ADGRF1: variants seen among roughly 807,000 people sequenced by gnomAD.
The protein encoded by ADGRF1 is G protein-coupled receptor 110.
In ADGRF1, 85 loss-of-function variants were observed where a neutral mutation model predicts 87.2. The observed-to-expected ratio is 0.97, with a 90% CI of 0.82 to 1.17. The LOEUF is 1.17. ADGRF1 is among the 50% of genes most tolerant of loss of function. The pLI, the probability that ADGRF1 is intolerant of heterozygous loss-of-function variation, is 0.00. For synonymous variants in ADGRF1, 430 were observed against 408.8 expected (o/e 1.05, Z -0.63); for missense variants, 1,169 against 1,077.2 (o/e 1.09, Z -1.19).
chr6:47,007,400 T>C (rs1170208303), intron 11 of ADGRF1, 106 bp from the exon 12 acceptor site: 5 of 662,490 alleles, frequency 7.5e-6, no homozygotes, highest in Non-Finnish European at 1.3e-5. Flanking sequence ...AACTGTTTTC[T>C]TGTCTGTCTC....
At chr6:47,012,666 C>T in intron 9 of ADGRF1, 2 of 986,190 alleles carry the variant, frequency 2.0e-6, no homozygotes, top group Non-Finnish European at 2.4e-6. Flanking sequence ...CTGTTATGTT[C>T]ACCACGCTAC....
At chr6:47,029,139 C>G (rs1780336203) in intron 1 of ADGRF1, 35 bp from the exon 2 acceptor site, 6 of 1,213,380 alleles carry the variant, frequency 4.9e-6, no homozygotes, top group Middle Eastern at 1.9e-4. Context: ...GGTAGAGGCA[C>G]AAAAACAAGA....
At chr6:47,003,012 T>C (rs1279751544) in intron 13 of ADGRF1, among the ~76,000 whole-genome samples, 1 of 152,050 alleles carries the variant, frequency 6.6e-6, no homozygotes, top group Non-Finnish European at 1.5e-5. Flanking sequence ...ACAAAAAAAG[T>C]ATCAAGGTTC....
intron 9 of ADGRF1, chr6:47,013,508 TACTTGCTGAAC>T: frequency 1.0e-6 from 1 of 985,486 alleles, no homozygotes; most frequent in African/African-American, 1.7e-5. Flanking sequence ...TATGGAAATC[TACTTGCTGAAC>T]AGTATCTGTG....
At chr6:47,014,309 CCTGCTGGCTTATGACTCA>C in intron 9 of ADGRF1, 1 of 1,007,198 alleles carries the variant, frequency 9.9e-7, no homozygotes, top group Non-Finnish European at 1.2e-6. Context: ...TTGTACTAAG[CCTGCTGGCTTATGACTCA>C]CACCTTCACT....
chr6:47,020,258 C>T (rs181722264), intron 7 of ADGRF1: 53 of 1,254,824 alleles, frequency 4.2e-5, no homozygotes, highest in Admixed American at 2.6e-4. Context: ...CTTTGGGGGC[C>T]GAGGCAGGCG....
intron 1 of ADGRF1, among the ~76,000 whole-genome samples, chr6:47,029,876 C>T (rs1394650915): frequency 6.6e-6 from 1 of 152,216 alleles, no homozygotes; most frequent in Non-Finnish European, 1.5e-5. Flanking sequence ...GGTAGCTCAA[C>T]ACAGAACGGT....
In ADGRF1 at chr6:47,009,654, C is replaced by A. The variant is rs150621704; in HGVS notation, c.1781G>T (p.Gly594Val). The change falls in exon 11 of 15, where the codon GGT becomes GTT. Residue 594 changes from glycine to valine, a missense_variant. Physicochemically the swap from Gly to Val is moderately radical, Grantham distance 109. Coordinates refer to ENST00000371253, the MANE Select transcript of ADGRF1 (RefSeq NM_153840.4). ...TAAAATGAGACTTCCAATGGAGATA[C>A]CCAGTCCCACATAGGTGATCCATTT... ...VVKWITYVGL[G>V]ISIGSLILCL... 6.2e-7 allele frequency: 1 copy of A among 1,614,128 alleles called. No individual in the cohort carries two copies. The highest frequency in any genetic ancestry group is 8.5e-7 in the Non-Finnish European group (1 of 1,180,022).
At chr6:47,024,440 G>C (rs1029737804) in intron 4 of ADGRF1, 2 of 439,342 alleles carry the variant, frequency 4.6e-6, no homozygotes, top group Non-Finnish European at 4.1e-6. Flanking sequence ...TCAGCCACCT[G>C]AGTAGCTGGG....
rs1008609202 is a variant in ADGRF1, at chr6:46,998,838, G to A, written c.*1384C>T. ...TATAGAACCATCTAACTGATCCTCA[G>A]TCATTTCCTTTGAACCTCTCACTTT... is the stretch of plus-strand genomic sequence containing the variant. On this transcript the variant is annotated 3_prime_UTR_variant, in exon 15 of 15. Coordinates refer to ENST00000371253, the MANE Select transcript of ADGRF1 (RefSeq NM_153840.4). The A allele has an allele frequency of 2.6e-5, 4 of 152,242 alleles. No homozygotes were observed. The highest frequency in any genetic ancestry group is 5.9e-5 in the Non-Finnish European group (4 of 68,046). The allele number at this position is 152,242 out of a possible 1,614,324, so 9.4% of individuals were successfully genotyped here. A position where few individuals can be genotyped will look rare whatever the true frequency, so the allele number is the denominator to read the frequency against.
chr6:47,019,748 T>C, intron 7 of ADGRF1: 2 of 983,266 alleles, frequency 2.0e-6, no homozygotes, highest in Non-Finnish European at 1.2e-6. Context: ...TTAAGTTAAC[T>C]GTGAAAAAAA....
At chr6:47,025,732 C>T in intron 4 of ADGRF1, 122 bp downstream of exon 4, 1 of 928,180 alleles carries the variant, frequency 1.1e-6, no homozygotes, top group South Asian at 1.9e-5. Flanking sequence ...AGATATAAAG[C>T]ATTTATTCTT....
At chr6:47,003,633 G>C (rs1182836512) in intron 13 of ADGRF1, among the ~76,000 whole-genome samples, 1 of 152,196 alleles carries the variant, frequency 6.6e-6, no homozygotes, top group African/African-American at 2.4e-5. Context: ...AATTGCCAAT[G>C]AGAAAATCTT....
At chr6:47,020,212 G>C (rs1163505097) in intron 7 of ADGRF1, 3 of 1,248,806 alleles carry the variant, frequency 2.4e-6, no homozygotes, top group African/African-American at 3.1e-5. Flanking sequence ...TAAGGTCCTA[G>C]GCCAGATGTG....
chr6:47,036,546 T>C (rs554401480), intron 1 of ADGRF1, among the ~76,000 whole-genome samples: 54 of 152,202 alleles, frequency 3.5e-4, no homozygotes, highest in Non-Finnish European at 6.5e-4. Flanking sequence ...GGGACCTTTA[T>C]ACATAAATGG....
In ADGRF1 at chr6:47,016,827, C is replaced by G. The variant is rs181002714; in HGVS notation, c.612-59G>C. 1,951 of 1,510,332 alleles carry G rather than the reference C, an allele frequency of 1.3e-3. 26 individuals carry two copies. In the African/African-American group the frequency reaches 0.022, roughly 17 times the overall value. 93.6% of individuals were successfully genotyped at this position (1,510,332 alleles called of 1,614,324 possible). A position where few individuals can be genotyped will look rare whatever the true frequency, so the allele number is the denominator to read the frequency against. Reference sequence around the variant, plus strand: ...CACTACTTATTTATTCATTCACTCCCGGCCTATGCTGTGTGTACATGCCAT... The same window carrying G: ...CACTACTTATTTATTCATTCACTCCGGGCCTATGCTGTGTGTACATGCCAT... On this transcript the variant is annotated intron_variant, in intron 7 of 14. Coordinates refer to ENST00000371253, the MANE Select transcript of ADGRF1 (RefSeq NM_153840.4).
rs1034861345 is a variant in ADGRF1, at chr6:47,022,131, G to C, written c.452-73C>G. On this transcript the variant is annotated intron_variant, in intron 5 of 14. Coordinates refer to ENST00000371253, the MANE Select transcript of ADGRF1 (RefSeq NM_153840.4). ...GATTTACTAGTAGCATACAATTATA[G>C]AAGTACAATTCAGAGTCATCTATTC... The C allele has an allele frequency of 1.4e-5, 12 of 853,824 alleles. No homozygotes were observed. In the Middle Eastern group the frequency reaches 9.5e-4, roughly 67 times the overall value. The allele number at this position is 853,824 out of a possible 1,614,324, so 52.9% of individuals were successfully genotyped here.
intron 10 of ADGRF1, among the ~76,000 whole-genome samples, chr6:47,010,574 CA>C (rs1779676137): frequency 6.6e-6 from 1 of 152,194 alleles, no homozygotes; most frequent in Non-Finnish European, 1.5e-5. Flanking sequence ...ACTGAGGCTT[CA>C]GGATGAATGA....
rs150621704 is a variant in ADGRF1, at chr6:47,009,654, C to T, written c.1781G>A (p.Gly594Asp). Residue 594 changes from glycine to aspartate, a missense_variant, in exon 11 of 15, where the codon GGT (glycine) becomes GAT (aspartate). By Grantham distance (94) the Gly-to-Asp change is moderately conservative (BLOSUM62 -1). Coordinates refer to ENST00000371253, the MANE Select transcript of ADGRF1 (RefSeq NM_153840.4). Reference sequence around the variant, plus strand: ...TAAAATGAGACTTCCAATGGAGATACCCAGTCCCACATAGGTGATCCATTT... The same window carrying T: ...TAAAATGAGACTTCCAATGGAGATATCCAGTCCCACATAGGTGATCCATTT... ...VVKWITYVGL[G>D]ISIGSLILCL... The T allele has an allele frequency of 9.9e-6, 16 of 1,614,008 alleles. No homozygotes were observed. In the African/African-American group the frequency reaches 2.1e-4, roughly 22 times the overall value.
Sources: gnomAD v4.1 joint callset for allele counts (sites outside exome capture counted in the v4.1 genomes callset) on GRCh38, gnomAD v4.1.1 for gene constraint, MANE v1.5 for transcripts, NCBI Gene and HGNC (gene_info 2026-07-23, HGNC 2026-07-21) for gene names.